The following KIF13B variants were observed in gnomAD, a reference collection of about 807,000 sequenced individuals.
KIF13B encodes the protein kinesin-like protein KIF13B.
A neutral mutation model predicts 222.0 loss-of-function variants in KIF13B; 127 were observed. The ratio of observed to expected loss-of-function variants is 0.57; its 90% CI spans 0.50 to 0.66. The LOEUF (loss-of-function observed/expected upper bound fraction) is 0.66. KIF13B is among the 30% of genes least tolerant of loss of function. KIF13B has a pLI of 0.00. For synonymous variants in KIF13B, 976 were observed against 919.0 expected, an observed-to-expected ratio of 1.06 and a Z score of -1.12; for missense variants, 2,173 against 2,379.0, an observed-to-expected ratio of 0.91 and a Z score of 1.80.
intron 6 of KIF13B, among the ~76,000 whole-genome samples, chr8:29,186,043 C>T (rs1192254142): frequency 6.6e-6 from 1 of 152,114 alleles, no homozygotes; most frequent in Non-Finnish European, 1.5e-5. Flanking sequence ...TTATGCCTCT[C>T]CCTCACCTCA....
intron 2 of KIF13B, among the ~76,000 whole-genome samples, chr8:29,200,673 A>C (rs1813654775): frequency 6.6e-6 from 1 of 152,104 alleles, no homozygotes; most frequent in Non-Finnish European, 1.5e-5. Context: ...TTTGCCAATT[A>C]CCCCCACTAA....
intron 35 of KIF13B, among the ~76,000 whole-genome samples, chr8:29,107,562 CT>C (rs35539806): frequency 0.13 from 16,917 of 134,666 alleles, 941 homozygotes; most frequent in East Asian, 0.23. Context: ...TTTGAAGTTT[CT>C]TTTTTTTTTT....
At chr8:29,090,147 C>A (rs536508726) in intron 37 of KIF13B, among the ~76,000 whole-genome samples, 1 of 151,992 alleles carries the variant, frequency 6.6e-6, no homozygotes, top group Non-Finnish European at 1.5e-5. Context: ...TACTGGTGAG[C>A]GAATAAAGAA....
intron 35 of KIF13B, among the ~76,000 whole-genome samples, chr8:29,105,092 G>T (rs1307617434): frequency 6.6e-6 from 1 of 151,754 alleles, no homozygotes; most frequent in African/African-American, 2.4e-5. Flanking sequence ...CCTCAGCCTC[G>T]AATAGCTGGG....
intron 2 of KIF13B, among the ~76,000 whole-genome samples, chr8:29,210,023 T>C (rs1814144817): frequency 6.6e-6 from 1 of 150,958 alleles, no homozygotes; most frequent in South Asian, 2.1e-4. Flanking sequence ...ATCACTGCAC[T>C]CCAGCTTAGG....
intron 8 of KIF13B, among the ~76,000 whole-genome samples, chr8:29,179,054 A>T (rs552928598): frequency 7.9e-5 from 12 of 152,322 alleles, no homozygotes; most frequent in South Asian, 2.1e-4. Context: ...CAATTGCCCC[A>T]GTGTCATTTA....
Position 29,071,527 on chromosome 8 carries a change from C to G in KIF13B, c.5218+93G>C, listed in dbSNP as rs1167705006. On this transcript the variant is annotated intron_variant, in intron 39 of 39. Coordinates refer to ENST00000524189, the MANE Select transcript of KIF13B (RefSeq NM_015254.4). This position sits in a 1 kb window ranked among gnomAD's most constrained non-coding sequence, Gnocchi z 4.9. ...CCGCTGCCTCCCGGCCCCTCCCTCTCCTGCCCGGACCCTGTCCCCTCCCAG... is the reference window on the plus strand; with the variant it reads ...CCGCTGCCTCCCGGCCCCTCCCTCTGCTGCCCGGACCCTGTCCCCTCCCAG... The G allele has an allele frequency of 1.5e-5, 18 of 1,204,392 alleles. No individual in the cohort carries two copies. Among genetic ancestry groups the G allele is most frequent in the South Asian group, 1.1e-4 (8 of 75,810 alleles). The allele number at this position is 1,204,392 out of a possible 1,614,324, so 74.6% of individuals were successfully genotyped here. A position where few individuals can be genotyped will look rare whatever the true frequency, so the allele number is the denominator to read the frequency against.
At chr8:29,105,650 G>GTTTTTTTTTTTTTTTTTTTTTTTT (rs869030059) in intron 35 of KIF13B, among the ~76,000 whole-genome samples, 1 of 78,058 alleles carries the variant, frequency 1.3e-5, no homozygotes, top group Non-Finnish European at 2.2e-5. Flanking sequence ...AGTTTGTTTG[G>GTTTTTTTTTTTTTTTTTTTTTTTT]TTTTTTTTTT....
chr8:29,226,769 T>C (rs1417167476), intron 2 of KIF13B, among the ~76,000 whole-genome samples: 2 of 152,254 alleles, frequency 1.3e-5, no homozygotes, highest in South Asian at 2.1e-4. Context: ...CACTTTCATT[T>C]TGACAGACTA....
At chr8:29,073,721 CTCAGCAGCTTGATAAA>C (rs1380185647) in intron 38 of KIF13B, among the ~76,000 whole-genome samples, 2 of 152,142 alleles carry the variant, frequency 1.3e-5, no homozygotes, top group Non-Finnish European at 2.9e-5. Flanking sequence ...CTTGGCTTAC[CTCAGCAGCTTGATAAA>C]TCATGCGTTT....
intron 10 of KIF13B, among the ~76,000 whole-genome samples, chr8:29,173,982 A>T (rs1041009894): frequency 7.3e-5 from 11 of 151,592 alleles, no homozygotes; most frequent in Non-Finnish European, 1.3e-4. Context: ...GAAACGATTT[A>T]AAAAAAAATT....
chr8:29,103,241 CAA>C (rs55959844), intron 35 of KIF13B, among the ~76,000 whole-genome samples: 1,222 of 83,604 alleles, frequency 0.015, 13 homozygotes, highest in African/African-American at 0.048. Context: ...GACTCTGTCT[CAA>C]AAAAAAAAAA....
intron 2 of KIF13B, among the ~76,000 whole-genome samples, chr8:29,227,661 G>A (rs1815084102): frequency 6.6e-6 from 1 of 152,136 alleles, no homozygotes; most frequent in South Asian, 2.1e-4. Context: ...GCGAATTTCT[G>A]CTCCAGGCTG....
chr8:29,127,148 C>A lies in KIF13B; in HGVS notation c.3196G>T (p.Ala1066Ser). ...TGGAAGGTCTCATGTGTTCTGGGGG[C>A]TCTGAGCGGTCTAACTTTGACACAT... ...IGCVKVRPLR[A>S]PRTHETFHEE... The change falls in exon 25 of 40, where the codon GCC (alanine) becomes TCC (serine). Residue 1066 changes from alanine to serine, a missense_variant. Transcript: ENST00000524189. 1 of 1,613,906 alleles carries A rather than the reference C, an allele frequency of 6.2e-7. No homozygotes were observed. The highest frequency in any genetic ancestry group is 8.5e-7 in the Non-Finnish European group (1 of 1,179,848).
Position 29,070,896 on chromosome 8 carries a change from T to A in KIF13B, c.5219-130A>T. 1 of 1,002,036 alleles carries A rather than the reference T, an allele frequency of 1.0e-6. No individual in the cohort carries two copies. 62.1% of individuals were successfully genotyped at this position (1,002,036 alleles called of 1,614,324 possible). ...CGCACAGGCCCTACACAGCCAGCAC[T>A]CGGACACTGGCCATTGTCTGGCAGG... On this transcript the variant is annotated intron_variant, in intron 39 of 39. Coordinates refer to ENST00000524189, the MANE Select transcript of KIF13B (RefSeq NM_015254.4). The surrounding 1 kb of genome is among the most constrained non-coding windows in gnomAD (Gnocchi z 4.1).
intron 2 of KIF13B, among the ~76,000 whole-genome samples, chr8:29,241,549 A>G (rs963983803): frequency 5.9e-5 from 9 of 152,188 alleles, no homozygotes; most frequent in Admixed American, 5.9e-4. Flanking sequence ...GATTATTTTC[A>G]TAACAATACT....
intron 24 of KIF13B, among the ~76,000 whole-genome samples, chr8:29,128,828 G>A (rs1390381329): frequency 1.3e-5 from 2 of 152,178 alleles, no homozygotes; most frequent in African/African-American, 2.4e-5. Flanking sequence ...CTTTTCACAT[G>A]GTTAAAGCTA....
At chr8:29,175,923 T>C in intron 10 of KIF13B, 145 bp downstream of exon 10, 2 of 643,778 alleles carry the variant, frequency 3.1e-6, no homozygotes, top group Non-Finnish European at 5.5e-6. Flanking sequence ...CCATCAAAAA[T>C]GTCATTACCA....
At chr8:29,081,926 C>T (rs1304037380) in intron 37 of KIF13B, among the ~76,000 whole-genome samples, 1 of 152,202 alleles carries the variant, frequency 6.6e-6, no homozygotes, top group Non-Finnish European at 1.5e-5. Flanking sequence ...ACTAAAAGTA[C>T]ATGTTTAAAC....
Sources: gnomAD v4.1 joint callset for allele counts (sites outside exome capture counted in the v4.1 genomes callset) on GRCh38, gnomAD v4.1.1 for gene constraint, Gnocchi (gnomAD v3.1) non-coding constraint, MANE v1.5 for transcripts, NCBI Gene and HGNC (gene_info 2026-07-23, HGNC 2026-07-21) for gene names.